Variants in SH3BGRL2 observed in about 807,000 individuals in gnomAD.
SH3BGRL2 encodes the protein SH3 domain binding glutamate rich protein like 2.
SH3BGRL2 carries 21 observed loss-of-function variants against 14.8 expected under a neutral mutation model. The observed-to-expected ratio is 1.42, with a 90% CI of 1.01 to 2.05. SH3BGRL2 has a LOEUF of 2.05. SH3BGRL2 is among the 30% of genes most tolerant of loss of function. The pLI is 0.00. For synonymous variants in SH3BGRL2, 50 were observed against 47.8 expected, an observed-to-expected ratio of 1.05 and a Z score of -0.19; for missense variants, 147 against 130.8, an observed-to-expected ratio of 1.12 and a Z score of -0.61.
intron 1 of SH3BGRL2, among the ~76,000 whole-genome samples, chr6:79,634,253 TCCTCTTTTGTCTTCCCTGGCTC>T (rs1349343506): frequency 6.6e-6 from 1 of 152,234 alleles, no homozygotes; most frequent in Non-Finnish European, 1.5e-5. Flanking sequence ...AAGGAATGAT[TCCTCTTTTGTCTTCCCTGGCTC>T]CAGGTGAAGT....
the SH3BGRL2 span, among the ~76,000 whole-genome samples, chr6:79,600,802 T>A: frequency 1.1e-4 from 16 of 152,328 alleles, no homozygotes; most frequent in East Asian, 3.1e-3. Flanking sequence ...TGAAGTGGGT[T>A]CCCAGCTTCT....
intron 1 of SH3BGRL2, among the ~76,000 whole-genome samples, chr6:79,667,815 A>G (rs376728612): frequency 6.6e-6 from 1 of 152,088 alleles, no homozygotes; most frequent in East Asian, 1.9e-4. Flanking sequence ...GATGCCAAGT[A>G]ATATCTCCAA....
chr6:79,671,402 T>C (rs1582730322), intron 1 of SH3BGRL2, among the ~76,000 whole-genome samples: 1 of 152,122 alleles, frequency 6.6e-6, no homozygotes. Context: ...TGAGCCAAGA[T>C]CACACCTTTG....
chr6:79,573,815 G>A, the SH3BGRL2 span: 1 of 152,088 alleles, frequency 6.6e-6, no homozygotes, highest in African/African-American at 2.4e-5. Flanking sequence ...CTTGCTGAAT[G>A]TATTACTATG....
At chr6:79,614,187 T>C in the SH3BGRL2 span, among the ~76,000 whole-genome samples, 1 of 152,188 alleles carries the variant, frequency 6.6e-6, no homozygotes, top group Non-Finnish European at 1.5e-5. Flanking sequence ...CATTAGCTTA[T>C]GTTTTTTTCC....
At chr6:79,622,931 G>A in the SH3BGRL2 span, among the ~76,000 whole-genome samples, 2 of 152,106 alleles carry the variant, frequency 1.3e-5, no homozygotes, top group African/African-American at 2.4e-5. Flanking sequence ...ATGTGTTCTG[G>A]GCAAATGTAA....
intron 2 of SH3BGRL2, among the ~76,000 whole-genome samples, chr6:79,695,327 C>G (rs773793049): frequency 6.6e-6 from 1 of 152,212 alleles, no homozygotes; most frequent in Non-Finnish European, 1.5e-5. Context: ...TTCCAAACCA[C>G]GAGACTCAAT....
chr6:79,601,959 T>C, the SH3BGRL2 span, among the ~76,000 whole-genome samples: 144 of 152,014 alleles, frequency 9.5e-4, 1 homozygote, highest in Admixed American at 1.6e-3. Context: ...GAAACAAATA[T>C]GCTAGCTTAG....
At chr6:79,690,738 G>A (rs1770196299) in intron 2 of SH3BGRL2, among the ~76,000 whole-genome samples, 1 of 152,134 alleles carries the variant, frequency 6.6e-6, no homozygotes, top group Non-Finnish European at 1.5e-5. Flanking sequence ...ATCAGACAGT[G>A]GTTGGTGCAA....
Position 79,631,411 on chromosome 6 carries a change from G to A in SH3BGRL2, c.-51G>A, listed in dbSNP as rs752076373. 10 of 1,480,692 alleles carry A rather than the reference G, an allele frequency of 6.8e-6. No homozygotes were observed. The South Asian group carries it at 1.1e-4, about 16-fold the overall frequency. 91.7% of individuals were successfully genotyped at this position (1,480,692 alleles called of 1,614,324 possible). Reference sequence around the variant, plus strand: ...TAGCTGGGTTCAGCTCTGCGTCCACGCCAGCCCGGAGCCCGGGGGGCAAGG... The same window carrying A: ...TAGCTGGGTTCAGCTCTGCGTCCACACCAGCCCGGAGCCCGGGGGGCAAGG... On this transcript the variant is annotated 5_prime_UTR_variant, in exon 1 of 4. Coordinates refer to ENST00000369838, the MANE Select transcript of SH3BGRL2 (RefSeq NM_031469.4).
chr6:79,586,140 T>A, the SH3BGRL2 span, among the ~76,000 whole-genome samples: 2 of 148,704 alleles, frequency 1.3e-5, no homozygotes, highest in African/African-American at 2.5e-5. Context: ...AGGTTGCGGT[T>A]AGCCAAGATA....
At chr6:79,548,298 C>G in the SH3BGRL2 span, among the ~76,000 whole-genome samples, 1 of 152,020 alleles carries the variant, frequency 6.6e-6, no homozygotes, top group Admixed American at 6.5e-5. Flanking sequence ...ATTTTTAAAT[C>G]TTTATTATAT....
chr6:79,648,279 T>TATATATATATATAAAA (rs752182712), intron 1 of SH3BGRL2, among the ~76,000 whole-genome samples: 1 of 117,184 alleles, frequency 8.5e-6, no homozygotes, highest in Admixed American at 8.8e-5. Flanking sequence ...TATATATATA[T>TATATATATATATAAAA]ATATTTGACA....
At chr6:79,663,208 T>C (rs1025827706) in intron 1 of SH3BGRL2, among the ~76,000 whole-genome samples, 1 of 152,214 alleles carries the variant, frequency 6.6e-6, no homozygotes, top group African/African-American at 2.4e-5. Flanking sequence ...GGGACTGCCA[T>C]CCTTTGGAGA....
chr6:79,656,788 C>T (rs1769427348), intron 1 of SH3BGRL2, among the ~76,000 whole-genome samples: 1 of 152,192 alleles, frequency 6.6e-6, no homozygotes, highest in South Asian at 2.1e-4. Context: ...ATTTGAGCAT[C>T]CTTGGATTTT....
chr6:79,613,412 A>G, the SH3BGRL2 span, among the ~76,000 whole-genome samples: 1 of 152,230 alleles, frequency 6.6e-6, no homozygotes, highest in Non-Finnish European at 1.5e-5. Flanking sequence ...ATTATAGGTT[A>G]TAGTATGCAC....
the SH3BGRL2 span, among the ~76,000 whole-genome samples, chr6:79,601,605 T>C: frequency 6.6e-6 from 1 of 152,232 alleles, no homozygotes; most frequent in Non-Finnish European, 1.5e-5. Flanking sequence ...AACCATTTAG[T>C]TGATAAATGT....
the SH3BGRL2 span, among the ~76,000 whole-genome samples, chr6:79,578,229 C>A: frequency 6.6e-6 from 1 of 152,250 alleles, no homozygotes; most frequent in Non-Finnish European, 1.5e-5. Context: ...CTTCTGCAGA[C>A]TTAAATGTCC....
chr6:79,553,976 A>G, the SH3BGRL2 span, among the ~76,000 whole-genome samples: 2 of 151,796 alleles, frequency 1.3e-5, no homozygotes, highest in South Asian at 2.1e-4. Flanking sequence ...TCAAAAAAAA[A>G]AAAAGAAAAG....
Sources: gnomAD v4.1 joint callset for allele counts (sites outside exome capture counted in the v4.1 genomes callset) on GRCh38, gnomAD v4.1.1 for gene constraint, MANE v1.5 for transcripts, NCBI Gene and HGNC (gene_info 2026-07-23, HGNC 2026-07-21) for gene names.